The following MCOLN2 variants were observed in gnomAD, a reference collection of about 807,000 sequenced individuals.
MCOLN2 encodes mucolipin-2.
A neutral mutation model predicts 67.5 loss-of-function variants in MCOLN2; 57 were observed. The ratio of observed to expected loss-of-function variants is 0.84; its 90% CI spans 0.68 to 1.05. The LOEUF (loss-of-function observed/expected upper bound fraction) is 1.05. Ranked by LOEUF, MCOLN2 falls within the 50% of genes least tolerant of loss-of-function variation. The probability of loss-of-function intolerance (pLI) is 0.00; values close to 1 mark genes in which losing one functional copy is unlikely to be tolerated. For missense variants in MCOLN2, 620 were observed against 678.8 expected, an observed-to-expected ratio of 0.91 and a Z score of 0.96; for synonymous variants, 246 against 233.3, an observed-to-expected ratio of 1.05 and a Z score of -0.50.
rs540993637 is a variant in MCOLN2, at chr1:84,992,129, C to T, written c.77+4667G>A. Among the ~76,000 whole-genome samples, 199 of 152,228 alleles carry T rather than the reference C, an allele frequency of 1.3e-3. 1 individual carries two copies. The highest frequency in any genetic ancestry group is 2.2e-3 in the Non-Finnish European group (148 of 68,018). ...ACATTCTAGCTATCTCTAGAAAATC[C>T]CTGTAGTTGGCATAAGTAGTACAAT... is the stretch of plus-strand genomic sequence containing the variant. On this transcript the variant is annotated intron_variant, in intron 1 of 13. Transcript: ENST00000370608.
rs146853589 is a variant in MCOLN2 at position 84,939,759 on chromosome 1, G to A, written c.961-57C>T. 8.7e-5 allele frequency: 137 copies of A among 1,582,390 alleles called. 2 individuals carry two copies. In the African/African-American group the frequency reaches 1.4e-3, roughly 17 times the overall value. Reference sequence around the variant, plus strand: ...CAAACCACACTGCCCTCTGGAAGAAGAAGGCAAGTGCAAAACAGTGCTCTC... The same window carrying A: ...CAAACCACACTGCCCTCTGGAAGAAAAAGGCAAGTGCAAAACAGTGCTCTC... On this transcript the variant is annotated intron_variant, in intron 8 of 13. Transcript: ENST00000370608.
intron 8 of MCOLN2, among the ~76,000 whole-genome samples, 165 bp from the exon 9 acceptor site, chr1:84,939,867 T>C (rs1359247618): frequency 1.3e-5 from 2 of 152,188 alleles, no homozygotes; most frequent in Non-Finnish European, 2.9e-5. Context: ...CTTTCCCCTA[T>C]AATCTGAGTA....
chr1:84,967,778 G>C, intron 1 of MCOLN2, among the ~76,000 whole-genome samples: 1 of 130,066 alleles, frequency 7.7e-6, no homozygotes, highest in Non-Finnish European at 1.6e-5. Context: ...GAGAGGGAGG[G>C]AGGGAAGGAG....
intron 8 of MCOLN2, among the ~76,000 whole-genome samples, chr1:84,940,308 C>A (rs1233969860): frequency 6.6e-6 from 1 of 152,202 alleles, no homozygotes; most frequent in Non-Finnish European, 1.5e-5. Flanking sequence ...CTTCCAATTT[C>A]CCCTGACCCC....
At chr1:84,949,571 G>A (rs1394274585) in intron 6 of MCOLN2, among the ~76,000 whole-genome samples, 2 of 152,150 alleles carry the variant, frequency 1.3e-5, no homozygotes, top group Non-Finnish European at 2.9e-5. Flanking sequence ...AACCTGGGAG[G>A]CAGAGCTTGC....
chr1:84,938,002 C>G lies in MCOLN2; in HGVS notation c.1191G>C (p.Leu397=), dbSNP rs751886839. 2.5e-6 allele frequency: 4 copies of G among 1,613,910 alleles called. No homozygotes were observed. Among genetic ancestry groups the G allele is most frequent in the Non-Finnish European group, 2.5e-6 (3 of 1,179,866 alleles). ...LLVWVGVIRY[L]GYFQAYNVLI... ...TTACATTATATGCCTGGAAATAACC[C>G]AGGTATCTGATGACTCCAACCCAAA... is the stretch of plus-strand genomic sequence containing the variant. Residue 397 remains leucine, a synonymous_variant, in exon 10 of 14, where the codon CTG becomes CTC. Coordinates refer to ENST00000370608, the MANE Select transcript of MCOLN2 (RefSeq NM_153259.4).
intron 11 of MCOLN2, among the ~76,000 whole-genome samples, chr1:84,937,243 A>G (rs559868910): frequency 1.3e-5 from 2 of 152,214 alleles, no homozygotes; most frequent in Non-Finnish European, 2.9e-5. Flanking sequence ...TCAGATACTG[A>G]TCTTTAATAA....
intron 1 of MCOLN2, among the ~76,000 whole-genome samples, chr1:84,975,145 T>G (rs1207852186): frequency 6.6e-6 from 1 of 152,156 alleles, no homozygotes; most frequent in Non-Finnish European, 1.5e-5. Flanking sequence ...CAGGCCTGGT[T>G]GGCTTTGCCG....
intron 1 of MCOLN2, among the ~76,000 whole-genome samples, chr1:84,976,151 T>A (rs1295143301): frequency 6.6e-6 from 1 of 152,020 alleles, no homozygotes; most frequent in Non-Finnish European, 1.5e-5. Context: ...TTCCCAAGCT[T>A]AGAGAAAGAT....
At chr1:84,987,411 T>C (rs144364318) in intron 1 of MCOLN2, among the ~76,000 whole-genome samples, 16,556 of 122,938 alleles carry the variant, frequency 0.13, 1,178 homozygotes, top group East Asian at 0.24. Context: ...GATATATTTA[T>C]ATATGTATAT....
chr1:84,947,139 A>G lies in MCOLN2; in HGVS notation c.748-7T>C. The G allele has an allele frequency of 7.2e-7, 1 of 1,386,680 alleles. No homozygotes were observed. Among genetic ancestry groups the G allele is most frequent in the Non-Finnish European group, 1.0e-6 (1 of 974,360 alleles). The allele number at this position is 1,386,680 out of a possible 1,614,324, so 85.9% of individuals were successfully genotyped here. ...CTTTATTGTCAAAGATAATCTGGAGACACAAATGTATAGCGAGATTACAAC... is the reference window on the plus strand; with the variant it reads ...CTTTATTGTCAAAGATAATCTGGAGGCACAAATGTATAGCGAGATTACAAC... On this transcript the variant is annotated splice_polypyrimidine_tract_variant and splice_region_variant and intron_variant, in intron 6 of 13. Transcript: ENST00000370608.
chr1:84,987,558 A>C (rs1650643270), intron 1 of MCOLN2, among the ~76,000 whole-genome samples: 2 of 89,234 alleles, frequency 2.2e-5, no homozygotes, highest in African/African-American at 3.8e-5. Flanking sequence ...GTATACATCT[A>C]TGTATACATA....
At chr1:84,934,861 C>T (rs1278303742) in intron 11 of MCOLN2, among the ~76,000 whole-genome samples, 1 of 152,192 alleles carries the variant, frequency 6.6e-6, no homozygotes, top group Non-Finnish European at 1.5e-5. Context: ...AAGCCTTTTG[C>T]ATCTTGACTC....
chr1:84,978,799 A>AT (rs1557660299), intron 1 of MCOLN2, among the ~76,000 whole-genome samples: 4 of 151,952 alleles, frequency 2.6e-5, no homozygotes, highest in African/African-American at 9.7e-5. Context: ...TATGTGTATA[A>AT]ATATATATAT....
At chr1:84,989,153 T>G (rs781530221) in intron 1 of MCOLN2, among the ~76,000 whole-genome samples, 21 of 152,186 alleles carry the variant, frequency 1.4e-4, no homozygotes, top group Non-Finnish European at 2.6e-4. Context: ...TACAGCATAG[T>G]ATCTAACACA....
chr1:84,962,818 T>C (rs561341231), intron 2 of MCOLN2, among the ~76,000 whole-genome samples: 40 of 152,204 alleles, frequency 2.6e-4, no homozygotes, highest in Non-Finnish European at 4.4e-4. Context: ...CTCTTTGAAT[T>C]CCTGGCTAGA....
At chr1:84,927,274 A>G (rs113306642) in intron 13 of MCOLN2, among the ~76,000 whole-genome samples, 8 of 142,562 alleles carry the variant, frequency 5.6e-5, no homozygotes, top group East Asian at 2.0e-4. Context: ...TTGTTTCTGG[A>G]AAAAAAAAAA....
chr1:84,925,894 T>TA lies in MCOLN2; in HGVS notation c.*790_*791insT, dbSNP rs1426896151. On this transcript the variant is annotated 3_prime_UTR_variant, in exon 14 of 14. Transcript: ENST00000370608. ...GTCTTTTTGTTGATTTAAGGGTGAT[T>TA]TTTTTTTTTTTTTGAGACAGGATCT... 1 of 142,532 alleles carries TA rather than the reference T, an allele frequency of 7.0e-6. No individual in the cohort carries two copies. Among genetic ancestry groups the TA allele is most frequent in the Non-Finnish European group, 1.5e-5 (1 of 65,912 alleles). 8.8% of individuals were successfully genotyped at this position (142,532 alleles called of 1,614,324 possible).
chr1:84,991,551 G>C (rs964909776), intron 1 of MCOLN2, among the ~76,000 whole-genome samples: 1 of 152,182 alleles, frequency 6.6e-6, no homozygotes, highest in Non-Finnish European at 1.5e-5. Flanking sequence ...TCTCAGCACA[G>C]CTCTCAGAAC....
Sources: allele counts gnomAD v4.1 joint callset (sites outside exome capture counted in the v4.1 genomes callset), GRCh38; gene constraint gnomAD v4.1.1; transcripts MANE v1.5; gene names NCBI Gene and HGNC (gene_info 2026-07-23, HGNC 2026-07-21).